IDO2: variants seen among roughly 807,000 people sequenced by gnomAD.
The protein encoded by IDO2 is indoleamine 2,3-dioxygenase 2.
A neutral mutation model predicts 45.1 loss-of-function variants in IDO2; 46 were observed. The observed-to-expected ratio is 1.02, with a 90% CI of 0.80 to 1.30. The LOEUF (loss-of-function observed/expected upper bound fraction) is 1.30, where lower values mean the gene tolerates loss of function less well. IDO2 is among the 50% of genes most tolerant of loss of function. IDO2 has a pLI of 0.00. For synonymous variants in IDO2, 218 were observed against 184.9 expected (o/e 1.18, Z -1.45); for missense variants, 544 against 491.8 (o/e 1.11, Z -1.00).
chr8:39,945,438 C>A (rs1346727662), intron 1 of IDO2, among the ~76,000 whole-genome samples: 4 of 152,188 alleles, frequency 2.6e-5, no homozygotes, highest in Non-Finnish European at 4.4e-5. Context: ...GGACAGGAAA[C>A]CCTCACTGTG....
At chr8:39,945,998 G>A (rs1807722041) in intron 1 of IDO2, among the ~76,000 whole-genome samples, 1 of 152,134 alleles carries the variant, frequency 6.6e-6, no homozygotes, top group Non-Finnish European at 1.5e-5. Flanking sequence ...TCTTGCCTTG[G>A]AACTAGACTG....
At chr8:39,989,659 A>C in intron 7 of IDO2, 62 bp from the exon 8 acceptor site, 1 of 1,183,638 alleles carries the variant, frequency 8.4e-7, no homozygotes, top group South Asian at 1.4e-5. Flanking sequence ...TATGAGGCTT[A>C]CTCTGCCTGC....
chr8:39,996,800 T>G (rs1248556182), intron 8 of IDO2, among the ~76,000 whole-genome samples: 1 of 152,212 alleles, frequency 6.6e-6, no homozygotes, highest in Non-Finnish European at 1.5e-5. Context: ...GGCACCATTT[T>G]ACAAGCACTA....
At chr8:39,963,622 T>C in exon 3 of IDO2, 1 of 1,607,418 alleles carries the variant, frequency 6.2e-7, no homozygotes, top group Non-Finnish European at 8.5e-7. Context: ...AACTTCCAGA[T>C]CATTATAGGC....
chr8:39,942,149 G>A (rs1807651940), intron 1 of IDO2, among the ~76,000 whole-genome samples: 2 of 152,128 alleles, frequency 1.3e-5, no homozygotes, highest in African/African-American at 4.8e-5. Context: ...CATGAAACAT[G>A]AGAAAAATAA....
chr8:39,989,651 T>C (rs1310911188), intron 7 of IDO2, 70 bp from the exon 8 acceptor site: 1 of 1,088,458 alleles, frequency 9.2e-7, no homozygotes, highest in Admixed American at 2.3e-5. Flanking sequence ...TCCAACAGTA[T>C]GAGGCTTACT....
chr8:39,953,294 G>T (rs1349960058), intron 2 of IDO2, among the ~76,000 whole-genome samples: 1 of 152,164 alleles, frequency 6.6e-6, no homozygotes, highest in East Asian at 1.9e-4. Flanking sequence ...AGGTGGTTTA[G>T]AGTTGTTGTT....
At chr8:39,949,035 G>GAA in intron 1 of IDO2, 114 bp from the exon 2 acceptor site, 1 of 1,381,444 alleles carries the variant, frequency 7.2e-7, no homozygotes. Context: ...CAACCTCAGG[G>GAA]AAAAGTTCTC....
At chr8:39,991,036 A>G (rs1308364649) in intron 8 of IDO2, among the ~76,000 whole-genome samples, 1 of 152,208 alleles carries the variant, frequency 6.6e-6, no homozygotes, top group Non-Finnish European at 1.5e-5. Flanking sequence ...GATTCTGGGA[A>G]AAGAGAGTGT....
intron 5 of IDO2, 174 bp from the exon 6 acceptor site, chr8:39,985,334 T>A: frequency 1.6e-6 from 1 of 621,514 alleles, no homozygotes; most frequent in Non-Finnish European, 2.9e-6. Flanking sequence ...CAGCCACAAC[T>A]TGCAGAATTC....
chr8:40,011,956 A>T (rs1585423214), intron 9 of IDO2, among the ~76,000 whole-genome samples: 1 of 152,306 alleles, frequency 6.6e-6, no homozygotes, highest in African/African-American at 2.4e-5. Flanking sequence ...TCTGTACCGC[A>T]TCTCTTTTCA....
rs1807910394 is a variant in IDO2, at chr8:39,956,852, C to A, written c.100-6756C>A. Among the ~76,000 whole-genome samples the A allele has an allele frequency of 2.6e-5, 4 of 151,772 alleles. No homozygotes were observed. In the South Asian group the frequency reaches 8.4e-4, roughly 32 times the overall value. ...ACGATGTCAGGAGTTCAAGACCAGC[C>A]TGGCCAACATGGTGACACTGTCTCT... On this transcript the variant is annotated intron_variant, in intron 2 of 10. Coordinates refer to ENST00000502986, the Ensembl canonical transcript of IDO2.
chr8:39,986,700 A>AGATAGAT (rs1379584216), intron 6 of IDO2, among the ~76,000 whole-genome samples: 4 of 150,288 alleles, frequency 2.7e-5, no homozygotes, highest in African/African-American at 1.0e-4. Flanking sequence ...ATAGATAGAT[A>AGATAGAT]GATAGATAGA....
At chr8:40,015,408 C>A in exon 11 of IDO2, 1 of 1,613,932 alleles carries the variant, frequency 6.2e-7, no homozygotes, top group Non-Finnish European at 8.5e-7. Flanking sequence ...GGCAGAGCTG[C>A]GGAGCTATCA....
intron 1 of IDO2, among the ~76,000 whole-genome samples, chr8:39,940,343 C>A (rs140612177): frequency 1.3e-5 from 2 of 152,078 alleles, no homozygotes; most frequent in Non-Finnish European, 1.5e-5. Flanking sequence ...ATTGGGCTTA[C>A]GGCTAAAGGA....
At chr8:39,993,402 A>T (rs542613890) in intron 8 of IDO2, among the ~76,000 whole-genome samples, 1 of 152,148 alleles carries the variant, frequency 6.6e-6, no homozygotes, top group Non-Finnish European at 1.5e-5. Context: ...CCATCGGCGC[A>T]TTGGCAGCGT....
rs557398284 is a variant in IDO2, at chr8:40,010,927, T to C, written c.720-2638T>C. Among the ~76,000 whole-genome samples the C allele has an allele frequency of 2.0e-5, 3 of 152,330 alleles. No homozygotes were observed. In the South Asian group the frequency reaches 6.2e-4, roughly 32 times the overall value. On this transcript the variant is annotated intron_variant, in intron 9 of 10. Transcript: ENST00000502986. Reference sequence around the variant, plus strand: ...GGATATAGGCTTTTCTTTTTCTTTTTGTGAGACACAGTCTTGCTCTTTCGC... The same window carrying C: ...GGATATAGGCTTTTCTTTTTCTTTTCGTGAGACACAGTCTTGCTCTTTCGC...
At chr8:39,950,661 C>A (rs1807801316) in intron 2 of IDO2, among the ~76,000 whole-genome samples, 1 of 152,232 alleles carries the variant, frequency 6.6e-6, no homozygotes, top group Non-Finnish European at 1.5e-5. Context: ...ACGCATCTAC[C>A]CTACTGCTGT....
At chr8:39,989,947 A>T in intron 8 of IDO2, 109 bp downstream of exon 8, 3 of 633,450 alleles carry the variant, frequency 4.7e-6, no homozygotes, top group Non-Finnish European at 8.2e-6. Context: ...TAATACATTC[A>T]TCCACCAGAT....
Sources: allele counts gnomAD v4.1 joint callset (sites outside exome capture counted in the v4.1 genomes callset), GRCh38; gene constraint gnomAD v4.1.1; transcripts MANE v1.5; gene names NCBI Gene and HGNC (gene_info 2026-07-23, HGNC 2026-07-21).